PALM2AKAP2: variants seen among roughly 807,000 people sequenced by gnomAD.
PALM2AKAP2 encodes the protein PALM2 and AKAP2 fusion.
Under a neutral mutation model 71.5 loss-of-function variants are expected in PALM2AKAP2, and 37 were observed. The ratio of observed to expected loss-of-function variants is 0.52; its 90% confidence interval spans 0.40 to 0.68. The LOEUF is 0.68. Ranked by LOEUF, PALM2AKAP2 falls within the 30% of genes least tolerant of loss-of-function variation. The probability of loss-of-function intolerance (pLI) is 0.00; values close to 1 mark genes in which losing one functional copy is unlikely to be tolerated. For synonymous variants in PALM2AKAP2, 468 were observed against 478.8 expected (o/e 0.98, Z 0.29); for missense variants, 1,224 against 1,191.8 (o/e 1.03, Z -0.40).
chr9:109,756,083 A>G (rs1828959354), intron 1 of PALM2AKAP2, among the ~76,000 whole-genome samples: 1 of 152,160 alleles, frequency 6.6e-6, no homozygotes, highest in African/African-American at 2.4e-5. Context: ...ATCAATGGGT[A>G]TATATAGTTA....
intron 1 of PALM2AKAP2, among the ~76,000 whole-genome samples, chr9:109,676,135 G>A (rs1187332142): frequency 6.6e-6 from 1 of 152,150 alleles, no homozygotes; most frequent in African/African-American, 2.4e-5. Flanking sequence ...CAGGAAAAGA[G>A]AACAGCTTCA....
chr9:109,796,474 T>G (rs1291012575), intron 1 of PALM2AKAP2, among the ~76,000 whole-genome samples: 1 of 152,202 alleles, frequency 6.6e-6, no homozygotes, highest in Non-Finnish European at 1.5e-5. Context: ...CTCCAACAAC[T>G]GTAATGTTAT....
chr9:109,938,497 G>C (rs964452756), intron 6 of PALM2AKAP2, among the ~76,000 whole-genome samples: 4 of 151,912 alleles, frequency 2.6e-5, no homozygotes, highest in African/African-American at 9.7e-5. Flanking sequence ...ACATATCTAA[G>C]TTTATTTTAT....
chr9:109,832,132 A>G (rs2131542311), intron 1 of PALM2AKAP2, among the ~76,000 whole-genome samples: 1 of 152,352 alleles, frequency 6.6e-6, no homozygotes, highest in East Asian at 1.9e-4. Flanking sequence ...TTCAGTGCAT[A>G]AAGAATCAAG....
chr9:109,671,364 C>A (rs761697313), intron 1 of PALM2AKAP2, among the ~76,000 whole-genome samples: 8 of 152,094 alleles, frequency 5.3e-5, no homozygotes, highest in Non-Finnish European at 1.2e-4. Context: ...ATAGAGATTT[C>A]TTTCCTTATT....
In PALM2AKAP2 at chr9:109,986,402, A is replaced by C. The variant is rs376138449; in HGVS notation, c.497-29552A>C. Among the ~76,000 whole-genome samples the C allele has an allele frequency of 9.6e-4, 146 of 152,342 alleles. 1 individual carries two copies. Among genetic ancestry groups the C allele is most frequent in the African/African-American group, 3.4e-3 (142 of 41,576 alleles). ...TGGTGATCCTTGAAAGAGAAATTCC[A>C]AAAATAAAGGGCTATAAGCACCTCC... On this transcript the variant is annotated intron_variant, in intron 6 of 9. Transcript: ENST00000302798.
At chr9:109,969,243 G>A (rs1277492035) in intron 6 of PALM2AKAP2, among the ~76,000 whole-genome samples, 2 of 152,214 alleles carry the variant, frequency 1.3e-5, no homozygotes, top group Non-Finnish European at 2.9e-5. Flanking sequence ...CTCCACAGCT[G>A]CTGGTCTGGG....
chr9:109,929,885 AAAG>A (rs1280654605), intron 5 of PALM2AKAP2, among the ~76,000 whole-genome samples: 1 of 146,482 alleles, frequency 6.8e-6, no homozygotes, highest in African/African-American at 2.5e-5. Context: ...AAAAAAAAAA[AAAG>A]AGAGAGAATC....
intron 1 of PALM2AKAP2, 106 bp from the exon 8 acceptor site, chr9:110,136,021 T>C (rs1453334175): frequency 7.3e-7 from 1 of 1,377,244 alleles, no homozygotes; most frequent in African/African-American, 1.4e-5. Context: ...AATTTGTCAC[T>C]GTGGTTTCCA....
At chr9:109,849,648 C>A (rs1828956290) in intron 1 of PALM2AKAP2, among the ~76,000 whole-genome samples, 1 of 152,042 alleles carries the variant, frequency 6.6e-6, no homozygotes, top group South Asian at 2.1e-4. Flanking sequence ...CCCAGCTACT[C>A]AGGAGGCTGA....
intron 1 of PALM2AKAP2, among the ~76,000 whole-genome samples, chr9:110,099,646 T>C (rs1388479788): frequency 1.3e-5 from 2 of 152,224 alleles, no homozygotes; most frequent in African/African-American, 4.8e-5. Flanking sequence ...GGTGGAATTG[T>C]AGCAAAGTCT....
rs529464039 is a variant in PALM2AKAP2, at chr9:109,847,232, G to A, written c.46-20259G>A. ...AATGACAACTGTCTTCATAAGAGACGTATAGGGAGATCTGACAGATAGAAG... is the reference window on the plus strand; with the variant it reads ...AATGACAACTGTCTTCATAAGAGACATATAGGGAGATCTGACAGATAGAAG... On this transcript the variant is annotated intron_variant, in intron 1 of 9. Coordinates refer to the PALM2AKAP2 transcript ENST00000302798. Among the ~76,000 whole-genome samples, 18 of 152,288 alleles carry A rather than the reference G, an allele frequency of 1.2e-4. No individual in the cohort carries two copies. The East Asian group carries it at 1.7e-3, about 15-fold the overall frequency.
At chr9:110,029,210 C>T (rs1833236214) in intron 7 of PALM2AKAP2, among the ~76,000 whole-genome samples, 1 of 152,178 alleles carries the variant, frequency 6.6e-6, no homozygotes, top group African/African-American at 2.4e-5. Flanking sequence ...ACAACAGCAA[C>T]AACAAAAACC....
chr9:109,696,332 A>T (rs1422843953), intron 1 of PALM2AKAP2, among the ~76,000 whole-genome samples: 2 of 152,224 alleles, frequency 1.3e-5, no homozygotes, highest in African/African-American at 4.8e-5. Flanking sequence ...TAGCTTTAAA[A>T]CATATTGAAA....
chr9:109,805,198 ACCT>A (rs1025352653), intron 1 of PALM2AKAP2, among the ~76,000 whole-genome samples: 2 of 152,064 alleles, frequency 1.3e-5, no homozygotes, highest in African/African-American at 4.8e-5. Context: ...CCATCAGAGA[ACCT>A]CCTCCTGCAG....
At chr9:109,751,371 C>G (rs1437936442) in intron 1 of PALM2AKAP2, among the ~76,000 whole-genome samples, 1 of 152,154 alleles carries the variant, frequency 6.6e-6, no homozygotes, top group African/African-American at 2.4e-5. Context: ...TTTTACAGCT[C>G]TCCTGCTCAC....
intron 6 of PALM2AKAP2, among the ~76,000 whole-genome samples, chr9:110,006,810 C>T (rs1238791974): frequency 6.6e-6 from 1 of 152,126 alleles, no homozygotes; most frequent in Non-Finnish European, 1.5e-5. Flanking sequence ...GCTGATGGCC[C>T]CCTACCTATT....
chr9:109,997,049 C>G (rs113983728), intron 6 of PALM2AKAP2, among the ~76,000 whole-genome samples: 2,225 of 151,990 alleles, frequency 0.015, 55 homozygotes, highest in African/African-American at 0.051. Flanking sequence ...TTTAACTGGG[C>G]GTGGTGGCAT....
intron 1 of PALM2AKAP2, among the ~76,000 whole-genome samples, chr9:109,706,164 G>A (rs1325187972): frequency 6.6e-6 from 1 of 152,136 alleles, no homozygotes; most frequent in Non-Finnish European, 1.5e-5. Context: ...TATGAGATAT[G>A]TTCAAGATGT....
Sources: allele counts gnomAD v4.1 joint callset (sites outside exome capture counted in the v4.1 genomes callset), GRCh38; gene constraint gnomAD v4.1.1; transcripts MANE v1.5; gene names NCBI Gene and HGNC (gene_info 2026-07-23, HGNC 2026-07-21).